Variants in NFIB observed in about 807,000 individuals in gnomAD.
The protein encoded by NFIB is nuclear factor 1 B-type.
A neutral mutation model predicts 61.5 loss-of-function variants in NFIB; 11 were observed. The ratio of observed to expected loss-of-function variants is 0.18; its 90% CI spans 0.11 to 0.30. NFIB has a LOEUF of 0.30. Ranked by LOEUF, NFIB falls within the 10% of genes least tolerant of loss-of-function variation. The probability of loss-of-function intolerance (pLI) is 1.00; values close to 1 mark genes in which losing one functional copy is unlikely to be tolerated. For missense variants in NFIB, 471 were observed against 608.9 expected, an observed-to-expected ratio of 0.77 and a Z score of 2.38; for synonymous variants, 260 against 216.5, an observed-to-expected ratio of 1.20 and a Z score of -1.76.
At chr9:14,123,730 C>T (rs1271989409) in intron 7 of NFIB, among the ~76,000 whole-genome samples, 2 of 152,062 alleles carry the variant, frequency 1.3e-5, no homozygotes, top group African/African-American at 4.8e-5. Flanking sequence ...TCCTAGTTTG[C>T]CTCTCTGCCT....
chr9:14,394,744 C>T (rs896522608), intron 1 of NFIB, among the ~76,000 whole-genome samples: 5 of 152,078 alleles, frequency 3.3e-5, no homozygotes, highest in African/African-American at 1.2e-4. Context: ...ACTTGGAAGA[C>T]TGGGAATGAA....
chr9:14,349,479 T>C (rs1186013182), intron 1 of NFIB, among the ~76,000 whole-genome samples: 6 of 152,098 alleles, frequency 3.9e-5, no homozygotes, highest in Non-Finnish European at 8.8e-5. Flanking sequence ...GGGTTTCTGC[T>C]TTTTGATAGC....
intron 1 of NFIB, among the ~76,000 whole-genome samples, chr9:14,308,540 A>G (rs2060134897): frequency 6.6e-6 from 1 of 152,236 alleles, no homozygotes; most frequent in African/African-American, 2.4e-5. Context: ...TCTGAGGTGA[A>G]CAATGAAAAA....
intron 2 of NFIB, among the ~76,000 whole-genome samples, chr9:14,200,153 T>C (rs1443624034): frequency 6.6e-6 from 1 of 152,174 alleles, no homozygotes; most frequent in Non-Finnish European, 1.5e-5. Flanking sequence ...TGTGAAACTG[T>C]TCATGCCTTC....
the NFIB span, among the ~76,000 whole-genome samples, chr9:14,492,756 T>G: frequency 1.3e-5 from 2 of 152,010 alleles, no homozygotes; most frequent in Admixed American, 6.6e-5. Context: ...AACATGAGAT[T>G]TGGGTGAAGA....
At chr9:14,398,357 G>A (rs1450490452) in intron 1 of NFIB, among the ~76,000 whole-genome samples, 1 of 152,130 alleles carries the variant, frequency 6.6e-6, no homozygotes, top group Non-Finnish European at 1.5e-5. Context: ...TGCCAGCTCT[G>A]AAAGTTCACC....
chr9:14,396,196 T>C (rs1458594060), intron 1 of NFIB, among the ~76,000 whole-genome samples: 1 of 152,164 alleles, frequency 6.6e-6, no homozygotes, highest in Non-Finnish European at 1.5e-5. Flanking sequence ...CTCCCTTTTT[T>C]TTTCTTTTTA....
chr9:14,105,595 A>G (rs2036442977), intron 10 of NFIB, among the ~76,000 whole-genome samples: 1 of 152,142 alleles, frequency 6.6e-6, no homozygotes, highest in Non-Finnish European at 1.5e-5. Flanking sequence ...TGATAAAGTG[A>G]AATTTTAAAG....
At chr9:14,376,828 A>AT (rs112431442) in intron 1 of NFIB, among the ~76,000 whole-genome samples, 11,173 of 151,760 alleles carry the variant, frequency 0.074, 550 homozygotes, top group African/African-American at 0.14. Context: ...TAAAAGTGCC[A>AT]TTTTTTTTAA....
Position 14,396,528 on chromosome 9 carries a change from T to C in NFIB, c.108+1996A>G, listed in dbSNP as rs575964928. On this transcript the variant is annotated intron_variant, in intron 1 of 8. Coordinates refer to the NFIB transcript ENST00000380934. ...GGTGTATTATAGGCTATAAGATATC[T>C]TAGGACCTGGGCTTTGGGGAAAAAA... Among the ~76,000 whole-genome samples, 109 of 152,070 alleles carry C rather than the reference T, an allele frequency of 7.2e-4. 2 individuals carry two copies. The highest frequency in any genetic ancestry group is 1.1e-3 in the Non-Finnish European group (75 of 67,992).
At chr9:14,198,814 T>C (rs1164802286) in intron 2 of NFIB, among the ~76,000 whole-genome samples, 1 of 152,192 alleles carries the variant, frequency 6.6e-6, no homozygotes, top group Non-Finnish European at 1.5e-5. Context: ...TATGTGACTA[T>C]AGAGTCCTGA....
chr9:14,297,540 G>C (rs1205278600), intron 2 of NFIB, among the ~76,000 whole-genome samples: 2 of 152,104 alleles, frequency 1.3e-5, no homozygotes, highest in East Asian at 1.9e-4. Flanking sequence ...AAACCAGAAA[G>C]AAAAGAAAGC....
chr9:14,447,323 T>C, the NFIB span, among the ~76,000 whole-genome samples: 4 of 152,202 alleles, frequency 2.6e-5, no homozygotes, highest in Admixed American at 2.6e-4. Context: ...TTTAGTAAAG[T>C]TTTATTGCAG....
chr9:14,378,092 C>T (rs1439599433), intron 1 of NFIB, among the ~76,000 whole-genome samples: 2 of 152,150 alleles, frequency 1.3e-5, no homozygotes, highest in Non-Finnish European at 2.9e-5. Flanking sequence ...CTGGATGAGA[C>T]ATTGGCTCAC....
chr9:14,277,354 C>CAG (rs386414482), intron 2 of NFIB, among the ~76,000 whole-genome samples: 3 of 151,830 alleles, frequency 2.0e-5, no homozygotes, highest in African/African-American at 7.3e-5. Flanking sequence ...GACACACACA[C>CAG]ACACACACAC....
At chr9:14,336,858 A>C (rs977523409) in intron 1 of NFIB, among the ~76,000 whole-genome samples, 1 of 152,164 alleles carries the variant, frequency 6.6e-6, no homozygotes, top group Non-Finnish European at 1.5e-5. Context: ...CCCAGATTTT[A>C]GGTTTTGCAG....
chr9:14,272,238 T>C (rs2057678426), intron 2 of NFIB, among the ~76,000 whole-genome samples: 2 of 152,184 alleles, frequency 1.3e-5, no homozygotes, highest in African/African-American at 4.8e-5. Flanking sequence ...GCATACATGT[T>C]AAAATATCTT....
chr9:14,199,751 C>G (rs2048823253), intron 2 of NFIB, among the ~76,000 whole-genome samples: 1 of 151,988 alleles, frequency 6.6e-6, no homozygotes, highest in African/African-American at 2.4e-5. Context: ...ATTATGACTT[C>G]AGTTCATTGG....
At chr9:14,407,454 G>A in the NFIB span, among the ~76,000 whole-genome samples, 1 of 152,126 alleles carries the variant, frequency 6.6e-6, no homozygotes, top group African/African-American at 2.4e-5. Context: ...TTACCGAACT[G>A]GGCATAGGTC....
Sources: allele counts gnomAD v4.1 joint callset (sites outside exome capture counted in the v4.1 genomes callset), GRCh38; gene constraint gnomAD v4.1.1; transcripts MANE v1.5; gene names NCBI Gene and HGNC (gene_info 2026-07-23, HGNC 2026-07-21).